The following C2CD5 variants were observed in gnomAD, a reference collection of about 807,000 sequenced individuals.
C2CD5 encodes C2 domain-containing protein 5.
In C2CD5, 109 loss-of-function variants were observed where a neutral mutation model predicts 130.3. The ratio of observed to expected loss-of-function variants is 0.84; its 90% CI spans 0.72 to 0.98. The LOEUF is 0.98. Among genes scored for constraint, C2CD5 ranks in the 50% least tolerant of loss-of-function variants. The probability of loss-of-function intolerance (pLI) is 0.00; values close to 1 mark genes in which losing one functional copy is unlikely to be tolerated. For missense variants in C2CD5, 996 were observed against 1,261.8 expected (o/e 0.79, Z 3.19); for synonymous variants, 454 against 429.2 (o/e 1.06, Z -0.71).
At chr12:22,478,029 TCACA>T (rs376381318) in intron 15 of C2CD5, 19 of 309,606 alleles carry the variant, frequency 6.1e-5, no homozygotes, top group South Asian at 2.4e-4. Context: ...ACACACACAC[TCACA>T]CACACACACA....
At chr12:22,509,403 G>A (rs1015313576) in intron 9 of C2CD5, among the ~76,000 whole-genome samples, 2 of 152,154 alleles carry the variant, frequency 1.3e-5, no homozygotes, top group South Asian at 2.1e-4. Context: ...ATAAAGAAAC[G>A]AGGGCAAGCA....
chr12:22,517,925 A>G (rs904871758), intron 8 of C2CD5, 61 bp downstream of exon 8: 60 of 1,394,298 alleles, frequency 4.3e-5, no homozygotes, highest in African/African-American at 2.9e-5. Context: ...TGGAAAGCTA[A>G]TAAGAAATAG....
intron 24 of C2CD5, among the ~76,000 whole-genome samples, chr12:22,457,616 G>T (rs1448583680): frequency 6.6e-6 from 1 of 151,988 alleles, no homozygotes; most frequent in Non-Finnish European, 1.5e-5. Context: ...TAAGATACTG[G>T]TTTTTTCCAA....
intron 12 of C2CD5, among the ~76,000 whole-genome samples, chr12:22,488,139 A>T (rs1234402546): frequency 4.6e-5 from 7 of 152,152 alleles, no homozygotes; most frequent in Admixed American, 3.3e-4. Flanking sequence ...GCACAGGTAT[A>T]CATATGTAAC....
chr12:22,489,242 C>T lies in C2CD5; in HGVS notation c.1358+881G>A, dbSNP rs184174749. Among the ~76,000 whole-genome samples the T allele has an allele frequency of 2.7e-3, 403 of 151,840 alleles. 2 individuals carry two copies. Among genetic ancestry groups the T allele is most frequent in the Middle Eastern group, 6.9e-3 (2 of 288 alleles). Reference sequence around the variant, plus strand: ...GGGAGGGGGGAAGTAAATAGGCACACTGTGGCATAAGGGGTAATTAAAATC... The same window carrying T: ...GGGAGGGGGGAAGTAAATAGGCACATTGTGGCATAAGGGGTAATTAAAATC... On this transcript the variant is annotated intron_variant, in intron 12 of 26. Coordinates refer to ENST00000446597, the MANE Select transcript of C2CD5 (RefSeq NM_001286176.2).
chr12:22,518,912 T>C (rs1950017238), intron 7 of C2CD5: 3 of 402,456 alleles, frequency 7.5e-6, no homozygotes, highest in Non-Finnish European at 1.3e-5. Flanking sequence ...CTTTGGAAGC[T>C]GGAAGAATAC....
intron 10 of C2CD5, among the ~76,000 whole-genome samples, chr12:22,498,644 T>C (rs977241312): frequency 6.6e-6 from 1 of 152,186 alleles, no homozygotes; most frequent in African/African-American, 2.4e-5. Flanking sequence ...AGCTTGCTTA[T>C]CACTAGTAAA....
At chr12:22,489,658 A>G (rs1418337731) in intron 12 of C2CD5, among the ~76,000 whole-genome samples, 1 of 152,146 alleles carries the variant, frequency 6.6e-6, no homozygotes, top group Admixed American at 6.6e-5. Context: ...CCAATTCCCT[A>G]TGGACACGGA....
At chr12:22,502,948 T>C (rs1947990063) in intron 10 of C2CD5, 2 of 576,034 alleles carry the variant, frequency 3.5e-6, no homozygotes, top group Non-Finnish European at 3.1e-6. Context: ...TAATAAGAAG[T>C]AGAAATAGAA....
intron 22 of C2CD5, among the ~76,000 whole-genome samples, chr12:22,464,940 A>G (rs1941802101): frequency 6.6e-6 from 1 of 152,180 alleles, no homozygotes; most frequent in South Asian, 2.1e-4. Flanking sequence ...TTAGCAAGAC[A>G]TTAAATTCAA....
intron 1 of C2CD5, 69 bp from the exon 2 acceptor site, chr12:22,544,248 G>A: frequency 1.6e-6 from 2 of 1,231,920 alleles, no homozygotes; most frequent in South Asian, 1.3e-5. Flanking sequence ...GGCGCGCGGG[G>A]TAACTGACAG....
Position 22,506,695 on chromosome 12 carries a change from C to A in C2CD5, c.1147+16G>T. On this transcript the variant is annotated intron_variant, in intron 10 of 26. Coordinates refer to ENST00000446597, the MANE Select transcript of C2CD5 (RefSeq NM_001286176.2). ...AATTTAAATAAAGGAAACATTGAAA[C>A]TTTTTAAGAACATACCAGGATTGTG... The A allele has an allele frequency of 7.1e-7, 1 of 1,411,216 alleles. No homozygotes were observed. Among genetic ancestry groups the A allele is most frequent in the Non-Finnish European group, 1.0e-6 (1 of 1,004,648 alleles). 87.4% of individuals were successfully genotyped at this position (1,411,216 alleles called of 1,614,324 possible).
In C2CD5 at chr12:22,523,508, C is replaced by T. The variant is rs1950449258; in HGVS notation, c.718G>A (p.Gly240Arg). ...AATTTATCCAGAGTACACGCCGTTC[C>T]TATGGCTCGCACCACTAACCCAGAC... Reference protein sequence around the residue: ...GESGLVVRAIGTACTLDKLSS... With the variant: ...GESGLVVRAIRTACTLDKLSS... The change falls in exon 7 of 27, where the codon GGA becomes AGA. Residue 240 changes from glycine to arginine, a missense_variant. Physicochemically the swap from Gly to Arg is moderately radical, Grantham distance 125. This residue lies in a region of C2CD5 where 26 missense variants were observed against 56.6 expected (regional missense o/e 0.46). Transcript: ENST00000446597. The T allele has an allele frequency of 6.2e-7, 1 of 1,613,944 alleles. No homozygotes were observed. Among genetic ancestry groups the T allele is most frequent in the Non-Finnish European group, 8.5e-7 (1 of 1,179,974 alleles).
At chr12:22,532,928 AC>A (rs1449058567) in intron 3 of C2CD5, among the ~76,000 whole-genome samples, 3 of 152,216 alleles carry the variant, frequency 2.0e-5, no homozygotes, top group Non-Finnish European at 4.4e-5. Flanking sequence ...ATTGGTCCTC[AC>A]AAGGTTCTTA....
chr12:22,480,111 C>G (rs1255388823), intron 14 of C2CD5, among the ~76,000 whole-genome samples: 1 of 152,074 alleles, frequency 6.6e-6, no homozygotes, highest in Non-Finnish European at 1.5e-5. Context: ...ACCAGGGAAC[C>G]CCCTTCTCTA....
chr12:22,509,962 T>C (rs1025114242), intron 9 of C2CD5, among the ~76,000 whole-genome samples: 2 of 152,088 alleles, frequency 1.3e-5, no homozygotes, highest in African/African-American at 4.8e-5. Context: ...CCCAGCACTT[T>C]GGGAGGCTGA....
At chr12:22,459,170 T>C (rs1455815711) in intron 23 of C2CD5, among the ~76,000 whole-genome samples, 2 of 152,124 alleles carry the variant, frequency 1.3e-5, no homozygotes, top group Non-Finnish European at 2.9e-5. Flanking sequence ...TCTGATAATA[T>C]GGGGTCAGGG....
At chr12:22,457,948 G>A (rs148490264) in intron 24 of C2CD5, among the ~76,000 whole-genome samples, 25 of 152,132 alleles carry the variant, frequency 1.6e-4, no homozygotes, top group African/African-American at 6.0e-4. Context: ...GTGAAATGTA[G>A]TTTTTTCCCC....
At chr12:22,516,020 T>C (rs1278511126) in intron 8 of C2CD5, among the ~76,000 whole-genome samples, 1 of 148,962 alleles carries the variant, frequency 6.7e-6, no homozygotes, top group Admixed American at 6.7e-5. Context: ...CTACCAGAAA[T>C]ACAGATAATG....
Sources: allele counts gnomAD v4.1 joint callset (sites outside exome capture counted in the v4.1 genomes callset), GRCh38; gene constraint gnomAD v4.1.1; regional missense constraint gnomAD v4.1.1; transcripts MANE v1.5; gene names NCBI Gene and HGNC (gene_info 2026-07-23, HGNC 2026-07-21).